The following DIAPH1 variants were observed in gnomAD, a reference collection of about 807,000 sequenced individuals.
DIAPH1 encodes protein diaphanous homolog 1.
In DIAPH1, 46 loss-of-function variants were observed where a neutral mutation model predicts 140.7. The observed-to-expected ratio is 0.33, with a 90% CI of 0.26 to 0.42. The LOEUF (loss-of-function observed/expected upper bound fraction) is 0.42. Among genes scored for constraint, DIAPH1 ranks in the 10% least tolerant of loss-of-function variants. The pLI is 1.00. For synonymous variants in DIAPH1, 565 were observed against 551.6 expected (o/e 1.02, Z -0.34); for missense variants, 1,310 against 1,558.7 (o/e 0.84, Z 2.69).
At position 141,571,930 on chromosome 5, in the gene DIAPH1, G is replaced by A. The variant is rs763532123; in HGVS notation, c.2469C>T (p.Thr823=). ...ATCAAAGAGGAAGGTACTCACTCTT[G>A]GTCTGGGCAGAGAAGGTAAGGGTAA... ...AKLTLTFSAQ[T]KTSKAKKDQE... is the part of the protein sequence containing the mutation. The change falls in exon 17 of 28, where the codon ACC becomes ACT. Residue 823 remains threonine (T), a synonymous_variant. Transcript: ENST00000389054. 4 of 1,610,302 alleles carry A rather than the reference G, an allele frequency of 2.5e-6. No homozygotes were observed. The highest frequency in any genetic ancestry group is 2.2e-5 in the East Asian group (1 of 44,858).
intron 18 of DIAPH1, among the ~76,000 whole-genome samples, chr5:141,553,319 A>C (rs2099892036): frequency 6.7e-6 from 1 of 148,926 alleles, no homozygotes; most frequent in Admixed American, 6.7e-5. Context: ...ACAACTTAAG[A>C]GATGTGTCCC....
At chr5:141,585,213 C>A (rs1272990953) in intron 3 of DIAPH1, among the ~76,000 whole-genome samples, 5 of 152,080 alleles carry the variant, frequency 3.3e-5, no homozygotes, top group Non-Finnish European at 5.9e-5. Context: ...CCTCGGCCTC[C>A]CAAAGTGCTG....
intron 19 of DIAPH1, 45 bp from the exon 20 acceptor site, chr5:141,529,742 C>T (rs1274663502): frequency 1.9e-6 from 3 of 1,549,714 alleles, no homozygotes; most frequent in Non-Finnish European, 2.7e-6. Context: ...TCGGTCTGTT[C>T]CCGCTTCCAA....
chr5:141,562,143 T>C lies in DIAPH1; in HGVS notation c.2482+9285A>G, dbSNP rs1596368759. On this transcript the variant is annotated intron_variant, in intron 18 of 27. Coordinates refer to ENST00000389054, the MANE Select transcript of DIAPH1 (RefSeq NM_005219.5). ...TTCAATTCATTGTTATGTATGAGTT[T>C]TTTTTAGGAAGATCAAAAGGACATG... is the stretch of plus-strand genomic sequence containing the variant. 5.3e-5 allele frequency among the ~76,000 whole-genome samples: 8 copies of C among 152,286 alleles called. No individual in the cohort carries two copies. In the South Asian group the frequency reaches 1.7e-3, roughly 32 times the overall value.
chr5:141,525,443 A>G (rs1329102294), intron 26 of DIAPH1, among the ~76,000 whole-genome samples: 1 of 152,134 alleles, frequency 6.6e-6, no homozygotes, highest in Non-Finnish European at 1.5e-5. Flanking sequence ...GACAGGAAAC[A>G]GAGGGCCAGT....
At chr5:141,593,382 T>C (rs1467199703) in intron 1 of DIAPH1, among the ~76,000 whole-genome samples, 4 of 152,090 alleles carry the variant, frequency 2.6e-5, no homozygotes, top group African/African-American at 9.7e-5. Flanking sequence ...AGGGTCCCTA[T>C]ACTAAAAAGA....
chr5:141,578,731 A>G, intron 9 of DIAPH1, 106 bp from the exon 10 acceptor site: 1 of 869,198 alleles, frequency 1.2e-6, no homozygotes. Context: ...TGAAAGATAC[A>G]ATACAAAAAC....
At chr5:141,598,720 A>AC (rs2099899701) in intron 1 of DIAPH1, among the ~76,000 whole-genome samples, 1 of 152,150 alleles carries the variant, frequency 6.6e-6, no homozygotes, top group Non-Finnish European at 1.5e-5. Flanking sequence ...AAGTCAAAAG[A>AC]CCCCAAGGTA....
In DIAPH1 at chr5:141,515,525, T is replaced by C. The variant is rs1440255658; in HGVS notation, c.*1326A>G. 1 of 152,240 alleles carries C rather than the reference T, an allele frequency of 6.6e-6. No homozygotes were observed. Among genetic ancestry groups the C allele is most frequent in the Non-Finnish European group, 1.5e-5 (1 of 68,066 alleles). 9.4% of individuals were successfully genotyped at this position (152,240 alleles called of 1,614,324 possible). A position where few individuals can be genotyped will look rare whatever the true frequency, so the allele number is the denominator to read the frequency against. Reference sequence around the variant, plus strand: ...GCCAGAGAATTGCAGCTTCCTGTGGTTGGGGCCACCAAACAGTTCAGTGTG... The same window carrying C: ...GCCAGAGAATTGCAGCTTCCTGTGGCTGGGGCCACCAAACAGTTCAGTGTG... On this transcript the variant is annotated 3_prime_UTR_variant, in exon 28 of 28. Coordinates refer to ENST00000389054, the MANE Select transcript of DIAPH1 (RefSeq NM_005219.5).
At position 141,574,050 on chromosome 5, in the gene DIAPH1, A is replaced by G; in HGVS notation, c.1800T>C (p.Pro600=). ...GAGGAGTGGTACTATCCCCAGGAGC[A>G]GGTGGTGGTGGAATAATAGTGCCAG... ...GDSGTIIPPP[P]APGDSTTPPP... is the part of the protein sequence containing the mutation. Residue 600 remains proline, a synonymous_variant, in exon 16 of 28, where the codon CCT becomes CCC. Transcript: ENST00000389054. 6.3e-7 allele frequency: 1 copy of G among 1,599,216 alleles called. No homozygotes were observed. Among genetic ancestry groups the G allele is most frequent in the South Asian group, 1.1e-5 (1 of 88,926 alleles).
intron 18 of DIAPH1, among the ~76,000 whole-genome samples, chr5:141,569,950 T>A (rs2099894913): frequency 6.6e-6 from 1 of 152,080 alleles, no homozygotes; most frequent in African/African-American, 2.4e-5. Context: ...AAACCTAAAC[T>A]CTAAATAAGA....
chr5:141,521,928 T>C (rs1175379885), intron 27 of DIAPH1, among the ~76,000 whole-genome samples: 6 of 152,232 alleles, frequency 3.9e-5, no homozygotes, highest in Non-Finnish European at 7.3e-5. Context: ...ACTCTCATTT[T>C]ATACCTGAGG....
intron 19 of DIAPH1, among the ~76,000 whole-genome samples, chr5:141,532,847 C>T (rs1387678232): frequency 6.6e-6 from 1 of 152,126 alleles, no homozygotes; most frequent in Non-Finnish European, 1.5e-5. Context: ...TAATGTACTA[C>T]ACCATTGTCT....
chr5:141,560,750 AAATATTCTGTTTTATTC>A, intron 18 of DIAPH1: 1 of 415,746 alleles, frequency 2.4e-6, no homozygotes, highest in South Asian at 1.7e-5. Context: ...AGGATTCTAG[AAATATTCTGTTTTATTC>A]AGGGTTGGGA....
intron 1 of DIAPH1, among the ~76,000 whole-genome samples, chr5:141,603,706 G>T (rs970484767): frequency 6.6e-6 from 1 of 152,214 alleles, no homozygotes; most frequent in Non-Finnish European, 1.5e-5. Flanking sequence ...AACTGTTGGT[G>T]AGTCTGCTTT....
At position 141,520,969 on chromosome 5, in the gene DIAPH1, C is replaced by T. The variant is rs181431291; in HGVS notation, c.3661+3174G>A. ...AGGCTGAAGTGCAGTGGCGCAATCT[C>T]GGCTCACTGCAAGCTCCGCCTCCTG... On this transcript the variant is annotated intron_variant, in intron 27 of 27. Coordinates refer to ENST00000389054, the MANE Select transcript of DIAPH1 (RefSeq NM_005219.5). 8.0e-3 allele frequency among the ~76,000 whole-genome samples: 1,213 copies of T among 152,236 alleles called. 6 individuals carry two copies. Among genetic ancestry groups the T allele is most frequent in the Non-Finnish European group, 0.013 (888 of 68,008 alleles).
At chr5:141,518,573 A>T in intron 27 of DIAPH1, 1 of 171,188 alleles carries the variant, frequency 5.8e-6, no homozygotes, top group East Asian at 1.4e-4. Context: ...CCCAGGCTGG[A>T]GTGCAGCAGC....
rs1554199505 is a variant in DIAPH1, at chr5:141,515,918, A to AAT, written c.*932_*933insAT. On this transcript the variant is annotated 3_prime_UTR_variant, in exon 28 of 28. Coordinates refer to ENST00000389054, the MANE Select transcript of DIAPH1 (RefSeq NM_005219.5). ...GGAAGGAACAGTTTTCTTTAAAAAA[A>AAT]TTTTTTTTTTCATACAAAAATAGAT... is the stretch of plus-strand genomic sequence containing the variant. 13 of 151,264 alleles carry AAT rather than the reference A, an allele frequency of 8.6e-5. No individual in the cohort carries two copies. Among genetic ancestry groups the AAT allele is most frequent in the African/African-American group, 3.2e-4 (13 of 41,024 alleles). 9.4% of individuals were successfully genotyped at this position (151,264 alleles called of 1,614,324 possible). A position where few individuals can be genotyped will look rare whatever the true frequency, so the allele number is the denominator to read the frequency against.
In DIAPH1 at chr5:141,602,780, A is replaced by G. The variant is rs139656534; in HGVS notation, c.118-14530T>C. On this transcript the variant is annotated intron_variant, in intron 1 of 27. Coordinates refer to ENST00000389054, the MANE Select transcript of DIAPH1 (RefSeq NM_005219.5). ...CTTAAACAGAAGTCAGTCAGAACTAAAGAAAATGAAATAATGGACAACTTT... is the reference window on the plus strand; with the variant it reads ...CTTAAACAGAAGTCAGTCAGAACTAGAGAAAATGAAATAATGGACAACTTT... 3.8e-3 allele frequency among the ~76,000 whole-genome samples: 583 copies of G among 152,344 alleles called. 5 individuals are homozygous for G. Among genetic ancestry groups the G allele is most frequent in the Admixed American group, 0.011 (168 of 15,312 alleles).
Sources: gnomAD v4.1 joint callset for allele counts (sites outside exome capture counted in the v4.1 genomes callset) on GRCh38, gnomAD v4.1.1 for gene constraint, MANE v1.5 for transcripts, NCBI Gene and HGNC (gene_info 2026-07-23, HGNC 2026-07-21) for gene names.